PCARE: variants seen among roughly 807,000 people sequenced by gnomAD.
PCARE encodes photoreceptor cilium actin regulator.
PCARE carries 72 observed loss-of-function variants against 82.2 expected under a neutral mutation model. The ratio of observed to expected loss-of-function variants is 0.88; its 90% CI spans 0.72 to 1.07. The LOEUF is 1.07. Among genes scored for constraint, PCARE ranks in the 50% least tolerant of loss-of-function variants. The pLI is 0.00. For synonymous variants in PCARE, 705 were observed against 634.8 expected (o/e 1.11, Z -1.66); for missense variants, 1,768 against 1,592.4 (o/e 1.11, Z -1.88).
At chr2:29,066,331 A>C (rs996366054) in intron 1 of PCARE, among the ~76,000 whole-genome samples, 5 of 152,104 alleles carry the variant, frequency 3.3e-5, no homozygotes, top group Non-Finnish European at 7.4e-5. Flanking sequence ...AGGAAGTCAC[A>C]CTAGGAAAGG....
rs2148416620 is a variant in PCARE, at chr2:29,073,283, G to A, written c.979C>T (p.Gln327Ter). 1 of 1,614,176 alleles carries A rather than the reference G, an allele frequency of 6.2e-7. No homozygotes were observed. The highest frequency in any genetic ancestry group is 1.7e-5 in the Admixed American group (1 of 60,020). ...VDERLLRALRQLESLASGCGD... is the reference protein window; with the variant it reads ...VDERLLRALR ...CAGCCACTCGCCAGGCTCTCTAGCT[G>A]CCTCAGAGCCCTCAGGAGGCGTTCA... Residue 327 changes from glutamine (Q) to a stop codon, truncating the protein, a stop_gained, in exon 1 of 2, where the codon CAG becomes TAG. Coordinates refer to ENST00000331664, the MANE Select transcript of PCARE (RefSeq NM_001029883.3). LOFTEE classifies it high-confidence loss of function.
intron 1 of PCARE, 103 bp downstream of exon 1, chr2:29,070,489 GCA>G (rs919272482): frequency 4.3e-5 from 64 of 1,489,252 alleles, no homozygotes; most frequent in Non-Finnish European, 5.4e-5. Context: ...TTCTCTTGGA[GCA>G]CAGTTTGAAA....
rs1204762772 is a variant in PCARE, at chr2:29,062,787, G to T, written c.*2082C>A. The stretch of plus-strand genomic sequence containing the variant: ...TGGAGTGGCTCCACTTCATATCCCG[G>T]TTCCAGTAATGAAAATGTGTATAAT... On this transcript the variant is annotated 3_prime_UTR_variant, in exon 2 of 2. Transcript: ENST00000331664. 6.6e-6 allele frequency: 1 copy of T among 152,162 alleles called. No individual in the cohort carries two copies. Among genetic ancestry groups the T allele is most frequent in the Non-Finnish European group, 1.5e-5 (1 of 68,040 alleles). 9.4% of individuals were successfully genotyped at this position (152,162 alleles called of 1,614,324 possible). A position where few individuals can be genotyped will look rare whatever the true frequency, so the allele number is the denominator to read the frequency against.
In PCARE at chr2:29,071,707, C is replaced by T; in HGVS notation, c.2555G>A (p.Ser852Asn). Residue 852 changes from serine (S) to asparagine (N), a missense_variant, in exon 1 of 2, where the codon AGC (serine) becomes AAC (asparagine). Physicochemically the swap from Ser to Asn is conservative, Grantham distance 46. Transcript: ENST00000331664. ...SFASLESPES[S>N]KSTENSPKET... ...CTTGGGGGAGTTCTCTGTGGACTTG[C>T]TGCTTTCTGGGGACTCCAGAGAAGC... The T allele has an allele frequency of 1.9e-6, 3 of 1,614,134 alleles. No homozygotes were observed. The highest frequency in any genetic ancestry group is 1.7e-6 in the Non-Finnish European group (2 of 1,179,996).
Position 29,070,606 on chromosome 2 carries a change from A to G in PCARE, c.3656T>C (p.Leu1219Pro). The change falls in exon 1 of 2, where the codon CTC (leucine) becomes CCC (proline). Residue 1219 changes from leucine to proline, a missense_variant. Transcript: ENST00000331664. ...DPTSTSYESQ[L>P]GQNSSSEESP... ...GGACACTCCTTACCTGTTCTGGCCGAGCTGGGATTCATAAGAGGTGCTGGT... is the reference window on the plus strand; with the variant it reads ...GGACACTCCTTACCTGTTCTGGCCGGGCTGGGATTCATAAGAGGTGCTGGT... The G allele has an allele frequency of 1.2e-6, 2 of 1,613,940 alleles. No individual in the cohort carries two copies. The highest frequency in any genetic ancestry group is 8.5e-7 in the Non-Finnish European group (1 of 1,179,884).
Position 29,071,812 on chromosome 2 carries a change from T to C in PCARE, c.2450A>G (p.Glu817Gly). ...PLPKAEAAKS[E>G]ELSCEMEGNL... Reference sequence around the variant, plus strand: ...CCCCTCCATTTCACAGCTGAGCTCCTCACTCTTGGCTGCTTCTGCTTTAGG... The same window carrying C: ...CCCCTCCATTTCACAGCTGAGCTCCCCACTCTTGGCTGCTTCTGCTTTAGG... Residue 817 changes from glutamate to glycine, a missense_variant, in exon 1 of 2, where the codon GAG (glutamate) becomes GGG (glycine). Physicochemically the swap from Glu to Gly is moderately conservative, Grantham distance 98. Coordinates refer to ENST00000331664, the MANE Select transcript of PCARE (RefSeq NM_001029883.3). The C allele has an allele frequency of 2.5e-6, 4 of 1,614,148 alleles. No homozygotes were observed. Among genetic ancestry groups the C allele is most frequent in the Non-Finnish European group, 3.4e-6 (4 of 1,179,970 alleles).
rs1368221135 is a variant in PCARE, at chr2:29,061,876, C to T, written c.*2993G>A. On this transcript the variant is annotated 3_prime_UTR_variant, in exon 2 of 2. Transcript: ENST00000331664. ...AGAAGCTGTACAGCTGGGTTTGCCC[C>T]TCCTGCCACCAGCAATGCGTGCTCC... 6.6e-6 allele frequency: 1 copy of T among 152,214 alleles called. No homozygotes were observed. Among genetic ancestry groups the T allele is most frequent in the East Asian group, 1.9e-4 (1 of 5,198 alleles). 9.4% of individuals were successfully genotyped at this position (152,214 alleles called of 1,614,324 possible).
intron 1 of PCARE, among the ~76,000 whole-genome samples, chr2:29,069,702 T>G (rs1563048): frequency 0.15 from 22,391 of 152,046 alleles, 3,180 homozygotes; most frequent in African/African-American, 0.35. Flanking sequence ...TTAAAAAAAG[T>G]GGACACAAGA....
At position 29,064,438 on chromosome 2, in the gene PCARE, G is replaced by T. The variant is rs1667360983; in HGVS notation, c.*431C>A. On this transcript the variant is annotated 3_prime_UTR_variant, in exon 2 of 2. Transcript: ENST00000331664. ...TGACCTTCAGCCAGACACTTGAGGG[G>T]GCCTCTCCCCACACCTTCGGTTTTC... The T allele has an allele frequency of 3.9e-6, 1 of 255,080 alleles. No individual in the cohort carries two copies. The highest frequency in any genetic ancestry group is 5.6e-5 in the South Asian group (1 of 17,780). The allele number at this position is 255,080 out of a possible 1,614,324, so 15.8% of individuals were successfully genotyped here.
Position 29,071,033 on chromosome 2 carries a change from G to A in PCARE, c.3229C>T (p.His1077Tyr), listed in dbSNP as rs1164007645. The A allele has an allele frequency of 1.3e-6, 2 of 1,504,330 alleles. No homozygotes were observed. Among genetic ancestry groups the A allele is most frequent in the Non-Finnish European group, 1.8e-6 (2 of 1,113,926 alleles). The allele number at this position is 1,504,330 out of a possible 1,614,324, so 93.2% of individuals were successfully genotyped here. Reference protein sequence around the residue: ...QCKVPSPPTQHPEASPPFSIP... With the variant: ...QCKVPSPPTQYPEASPPFSIP... ...GAGAAAGGGGGGCTTGCTTCTGGGT[G>A]CTGGGTTGGGGGGCTGGGGACCTTG... The change falls in exon 1 of 2, where the codon CAC becomes TAC. Residue 1077 changes from histidine (H) to tyrosine (Y), a missense_variant. Physicochemically the swap from His to Tyr is moderately conservative, Grantham distance 83. Coordinates refer to ENST00000331664, the MANE Select transcript of PCARE (RefSeq NM_001029883.3).
Position 29,072,224 on chromosome 2 carries a change from G to T in PCARE, c.2038C>A (p.Gln680Lys). The T allele has an allele frequency of 6.2e-7, 1 of 1,614,210 alleles. No individual in the cohort carries two copies. The highest frequency in any genetic ancestry group is 1.1e-5 in the South Asian group (1 of 91,080). Reference sequence around the variant, plus strand: ...CATTTCTGCAAGATGCTCTTGTCCTGACTAGGCAAAATACTGAAGTTCTTG... The same window carrying T: ...CATTTCTGCAAGATGCTCTTGTCCTTACTAGGCAAAATACTGAAGTTCTTG... ...LTKNFSILPS[Q>K]DKSILQKCNP... The change falls in exon 1 of 2, where the codon CAG becomes AAG. Residue 680 changes from glutamine to lysine, a missense_variant. By Grantham distance (53) the Gln-to-Lys change is moderately conservative (BLOSUM62 1). Coordinates refer to ENST00000331664, the MANE Select transcript of PCARE (RefSeq NM_001029883.3).
rs547406947 is a variant in PCARE at position 29,070,773 on chromosome 2, C to T, written c.3489G>A (p.Trp1163Ter). Residue 1163 changes from tryptophan (W) to a stop codon, truncating the protein, a stop_gained, in exon 1 of 2, where the codon TGG (tryptophan) becomes TGA (stop). Coordinates refer to ENST00000331664, the MANE Select transcript of PCARE (RefSeq NM_001029883.3). LOFTEE classifies it high-confidence loss of function. ...TCAGCCAAGGCCCTGAGCTGTTCTT[C>T]CAGCATTCTGCTGGGTTCCCGAGAG... The part of the protein sequence containing the change: ...GGPLGNPAEC[W>*]KNSSGPWLRA... The T allele has an allele frequency of 1.2e-6, 2 of 1,614,154 alleles. No homozygotes were observed. Among genetic ancestry groups the T allele is most frequent in the South Asian group, 1.1e-5 (1 of 91,086 alleles).
In PCARE at chr2:29,073,964, A is replaced by G. The variant is rs371535790; in HGVS notation, c.298T>C (p.Ser100Pro). 1.8e-5 allele frequency: 29 copies of G among 1,614,094 alleles called. No homozygotes were observed. Among genetic ancestry groups the G allele is most frequent in the Admixed American group, 3.3e-5 (2 of 60,010 alleles). The change falls in exon 1 of 2, where the codon TCA becomes CCA. Residue 100 changes from serine (S) to proline (P), a missense_variant. Coordinates refer to ENST00000331664, the MANE Select transcript of PCARE (RefSeq NM_001029883.3). The stretch of plus-strand genomic sequence containing the variant: ...CTTTGTGATTTGTTCAGCTGGGATG[A>G]AGAGGTTTTGGTTCCTGGGATCAGT... ...EGLIPGTKTSSSQLNKSQSHM... is the reference protein window; with the variant it reads ...EGLIPGTKTSPSQLNKSQSHM...
At position 29,063,758 on chromosome 2, in the gene PCARE, T is replaced by C. The variant is rs1350195641; in HGVS notation, c.*1111A>G. On this transcript the variant is annotated 3_prime_UTR_variant, in exon 2 of 2. Coordinates refer to ENST00000331664, the MANE Select transcript of PCARE (RefSeq NM_001029883.3). ...GAAGCATTCCAAGATCTGCAGCAAATATCTAGCTCATTGGCAGAAGCAGGT... is the reference window on the plus strand; with the variant it reads ...GAAGCATTCCAAGATCTGCAGCAAACATCTAGCTCATTGGCAGAAGCAGGT... 1 of 152,588 alleles carries C rather than the reference T, an allele frequency of 6.6e-6. No individual in the cohort carries two copies. The highest frequency in any genetic ancestry group is 1.9e-4 in the East Asian group (1 of 5,190). 9.5% of individuals were successfully genotyped at this position (152,588 alleles called of 1,614,324 possible). A position where few individuals can be genotyped will look rare whatever the true frequency, so the allele number is the denominator to read the frequency against.
In PCARE at chr2:29,071,359, C is replaced by T. The variant is rs755182171; in HGVS notation, c.2903G>A (p.Gly968Glu). Reference protein sequence around the residue: ...IAWHHSGPPSGQNRTSESSLA... With the variant: ...IAWHHSGPPSEQNRTSESSLA... Reference sequence around the variant, plus strand: ...GCTGGACTCTGAGGTCCTGTTTTGTCCAGATGGAGGGCCGGAGTGGTGCCA... The same window carrying T: ...GCTGGACTCTGAGGTCCTGTTTTGTTCAGATGGAGGGCCGGAGTGGTGCCA... The change falls in exon 1 of 2, where the codon GGA becomes GAA. Residue 968 changes from glycine to glutamate, a missense_variant. Physicochemically the swap from Gly to Glu is moderately conservative, Grantham distance 98 (BLOSUM62 -2). Coordinates refer to ENST00000331664, the MANE Select transcript of PCARE (RefSeq NM_001029883.3). 4 of 1,613,686 alleles carry T rather than the reference C, an allele frequency of 2.5e-6. No homozygotes were observed. Among genetic ancestry groups the T allele is most frequent in the South Asian group, 1.1e-5 (1 of 91,076 alleles).
chr2:29,063,458 C>T lies in PCARE; in HGVS notation c.*1411G>A, dbSNP rs1465754607. ...CAAGTCAAGGTGGGATTCATTTACT[C>T]AGAGTCATAGCCTCTCTCTGGGGGA... On this transcript the variant is annotated 3_prime_UTR_variant, in exon 2 of 2. Coordinates refer to ENST00000331664, the MANE Select transcript of PCARE (RefSeq NM_001029883.3). The T allele has an allele frequency of 1.3e-5, 2 of 152,646 alleles. No individual in the cohort carries two copies. Among genetic ancestry groups the T allele is most frequent in the African/African-American group, 4.8e-5 (2 of 41,452 alleles). 9.5% of individuals were successfully genotyped at this position (152,646 alleles called of 1,614,324 possible).
In PCARE at chr2:29,064,878, C is replaced by A; in HGVS notation, c.3858G>T (p.Glu1286Asp). The A allele has an allele frequency of 6.2e-7, 1 of 1,611,414 alleles. No individual in the cohort carries two copies. Among genetic ancestry groups the A allele is most frequent in the African/African-American group, 1.3e-5 (1 of 74,964 alleles). ...CCCCCTCGTCAGCCTGTCAGGACACCTCCTCTTGCTGGGGCTGCGCCTCTG... is the reference window on the plus strand; with the variant it reads ...CCCCCTCGTCAGCCTGTCAGGACACATCCTCTTGCTGGGGCTGCGCCTCTG... ...SQPEAQPQQE[E>D]VS Residue 1286 changes from glutamate (E) to aspartate (D), a missense_variant, in exon 2 of 2, where the codon GAG (glutamate) becomes GAT (aspartate). Physicochemically the swap from Glu to Asp is conservative, Grantham distance 45. Transcript: ENST00000331664.
chr2:29,070,173 T>C (rs1388376991), intron 1 of PCARE, among the ~76,000 whole-genome samples: 1 of 152,202 alleles, frequency 6.6e-6, no homozygotes, highest in African/African-American at 2.4e-5. Flanking sequence ...CATAGATATA[T>C]TTGTTTCATG....
At position 29,071,964 on chromosome 2, in the gene PCARE, G is replaced by A; in HGVS notation, c.2298C>T (p.Pro766=). ...SPCLRNCIMP[P]RFPKYTGLAP... is the part of the protein sequence containing the mutation. ...CAAGCCCTGTGTACTTGGGAAATCT[G>A]GGGGGCATGATGCAATTCCTGAGGC... The change falls in exon 1 of 2, where the codon CCC becomes CCT. Residue 766 remains proline, a synonymous_variant. Coordinates refer to ENST00000331664, the MANE Select transcript of PCARE (RefSeq NM_001029883.3). 1.2e-6 allele frequency: 2 copies of A among 1,613,972 alleles called. No individual in the cohort carries two copies. The highest frequency in any genetic ancestry group is 1.7e-6 in the Non-Finnish European group (2 of 1,179,878).
Sources: allele counts gnomAD v4.1 joint callset (sites outside exome capture counted in the v4.1 genomes callset), GRCh38; gene constraint gnomAD v4.1.1; transcripts MANE v1.5; gene names NCBI Gene and HGNC (gene_info 2026-07-23, HGNC 2026-07-21).